SPATA22: variants seen among roughly 807,000 people sequenced by gnomAD.
SPATA22 encodes the protein spermatogenesis-associated protein 22.
A neutral mutation model predicts 47.8 loss-of-function variants in SPATA22; 29 were observed. The ratio of observed to expected loss-of-function variants is 0.61; its 90% confidence interval spans 0.45 to 0.83. SPATA22 has a LOEUF of 0.83. Among genes scored for constraint, SPATA22 ranks in the 40% least tolerant of loss-of-function variants. The probability of loss-of-function intolerance (pLI) is 0.00; values close to 1 mark genes in which losing one functional copy is unlikely to be tolerated. For synonymous variants in SPATA22, 133 were observed against 140.9 expected, an observed-to-expected ratio of 0.94 and a Z score of 0.40; for missense variants, 410 against 421.7, an observed-to-expected ratio of 0.97 and a Z score of 0.24.
At chr17:3,470,912 C>T (rs1445622247) in intron 1 of SPATA22, among the ~76,000 whole-genome samples, 6 of 151,530 alleles carry the variant, frequency 4.0e-5, no homozygotes, top group Non-Finnish European at 7.4e-5. Context: ...CCCAGCACTT[C>T]GGGAGGCCAA....
intron 5 of SPATA22, 84 bp downstream of exon 5, chr17:3,462,399 G>T: frequency 1.1e-6 from 1 of 896,658 alleles, no homozygotes; most frequent in Non-Finnish European, 1.7e-6. Context: ...GAGAAACAAC[G>T]AAGTGAAGGA....
At chr17:3,492,116 A>G (rs1197880392) in intron 1 of SPATA22, among the ~76,000 whole-genome samples, 2 of 152,054 alleles carry the variant, frequency 1.3e-5, no homozygotes, top group Admixed American at 1.3e-4. Flanking sequence ...AGCTCAAGCA[A>G]TCTGCCTGCC....
chr17:3,506,704 C>T (rs1472293068), intron 1 of SPATA22, among the ~76,000 whole-genome samples: 1 of 152,154 alleles, frequency 6.6e-6, no homozygotes, highest in African/African-American at 2.4e-5. Context: ...CGTCGGGAGG[C>T]CGAGGCAGGT....
intron 1 of SPATA22, 84 bp downstream of exon 1, chr17:3,471,598 G>C (rs892345123): frequency 3.0e-6 from 3 of 985,122 alleles, no homozygotes; most frequent in Non-Finnish European, 3.6e-6. Context: ...TGGGAGAGAA[G>C]AGGCTCCAGT....
At chr17:3,495,072 A>G (rs1307626359) in intron 1 of SPATA22, among the ~76,000 whole-genome samples, 2 of 152,160 alleles carry the variant, frequency 1.3e-5, no homozygotes, top group Admixed American at 1.3e-4. Context: ...AGTTTTATCA[A>G]TAATGACATA....
chr17:3,465,171 C>T (rs1436037373), intron 3 of SPATA22, among the ~76,000 whole-genome samples: 4 of 135,694 alleles, frequency 2.9e-5, no homozygotes, highest in African/African-American at 1.1e-4. Flanking sequence ...GTCAGCCCCC[C>T]GCCCGGCCAG....
chr17:3,486,836 C>T (rs749501813), intron 1 of SPATA22, among the ~76,000 whole-genome samples: 1 of 152,038 alleles, frequency 6.6e-6, no homozygotes, highest in African/African-American at 2.4e-5. Flanking sequence ...TTTGGTGGCC[C>T]TATTGTCCAA....
intron 1 of SPATA22, among the ~76,000 whole-genome samples, chr17:3,510,337 G>A (rs1406653116): frequency 6.6e-6 from 1 of 152,152 alleles, no homozygotes; most frequent in East Asian, 1.9e-4. Context: ...ACGTACAAAG[G>A]TGACATGCCT....
chr17:3,495,248 G>A (rs1010178213), intron 1 of SPATA22, among the ~76,000 whole-genome samples: 3 of 152,176 alleles, frequency 2.0e-5, no homozygotes, highest in African/African-American at 7.2e-5. Flanking sequence ...AGAACTGGTG[G>A]ATTATCTAGT....
At chr17:3,463,623 T>C (rs1165418752) in intron 3 of SPATA22, among the ~76,000 whole-genome samples, 4 of 152,022 alleles carry the variant, frequency 2.6e-5, no homozygotes, top group African/African-American at 9.7e-5. Context: ...TATACACTAC[T>C]GTACACTAAA....
intron 1 of SPATA22, chr17:3,511,373 G>A (rs1230951628): frequency 6.6e-6 from 1 of 152,182 alleles, no homozygotes; most frequent in African/African-American, 2.4e-5. Context: ...ATGGCTCAGG[G>A]AGACATCTGT....
At chr17:3,442,641 C>T (rs2072623370) in intron 8 of SPATA22, among the ~76,000 whole-genome samples, 1 of 151,968 alleles carries the variant, frequency 6.6e-6, no homozygotes, top group Non-Finnish European at 1.5e-5. Context: ...GTAATTATAA[C>T]TACTTTCAGT....
exon 1 of SPATA22, chr17:3,513,653 G>A (rs1597461843): frequency 2.7e-6 from 1 of 373,472 alleles, no homozygotes; most frequent in Non-Finnish European, 4.8e-6. Flanking sequence ...GACTTCAGGA[G>A]GCTCCCAGGC....
At position 3,462,763 on chromosome 17, in the gene SPATA22, C is replaced by G; in HGVS notation, c.177G>C (p.Trp59Cys). 4 of 1,610,312 alleles carry G rather than the reference C, an allele frequency of 2.5e-6. No homozygotes were observed. The highest frequency in any genetic ancestry group is 3.4e-6 in the Non-Finnish European group (4 of 1,176,642). ...NYDFPPLPTDWAWEAVNPELA... is the reference protein window; with the variant it reads ...NYDFPPLPTDCAWEAVNPELA... ...ACTCTGGATTCACAGCTTCCCAGGC[C>G]CAATCTCAAAAGATATAAGTAACAT... The change falls in exon 4 of 9, where the codon TGG becomes TGC. Residue 59 changes from tryptophan to cysteine, a missense_variant. Trp to Cys is a radical substitution (Grantham distance 215). Transcript: ENST00000572969.
At chr17:3,465,592 A>C (rs2073284869) in intron 3 of SPATA22, among the ~76,000 whole-genome samples, 1 of 151,218 alleles carries the variant, frequency 6.6e-6, no homozygotes, top group Non-Finnish European at 1.5e-5. Flanking sequence ...CATGCTCGTT[A>C]AGAGTCATCA....
chr17:3,501,764 A>C (rs2073992185), intron 1 of SPATA22: 1 of 152,620 alleles, frequency 6.6e-6, no homozygotes, highest in East Asian at 1.9e-4. Context: ...CAGCCTGGCC[A>C]ACATGGTGAA....
chr17:3,491,234 A>T (rs1047731405), intron 1 of SPATA22, among the ~76,000 whole-genome samples: 1 of 152,186 alleles, frequency 6.6e-6, no homozygotes, highest in Non-Finnish European at 1.5e-5. Flanking sequence ...GTTTAAACCA[A>T]ATGTTTAAGG....
intron 1 of SPATA22, among the ~76,000 whole-genome samples, chr17:3,491,877 CTTTTTTT>C (rs540965896): frequency 1.6e-5 from 2 of 123,062 alleles, no homozygotes; most frequent in Non-Finnish European, 1.6e-5. Context: ...CTTTTGTTTT[CTTTTTTT>C]TTTTTTTTTT....
chr17:3,440,213 GA>G lies in SPATA22; in HGVS notation c.1025del (p.Phe342SerfsTer18), dbSNP rs1174542938. ...CATCTGCAATTTTGACAAATGCCTG[GA>G]AAGTTTTTTGTTCAGAAACAGACGC... ...RPASVSEQKT[F>X]QAFVKIADVE... On this transcript the variant is annotated frameshift_variant, in exon 9 of 9. Coordinates refer to ENST00000572969, the MANE Select transcript of SPATA22 (RefSeq NM_001170698.2). LOFTEE classifies it high-confidence loss of function. 1.2e-6 allele frequency: 2 copies of G among 1,610,388 alleles called. No individual in the cohort carries two copies. The highest frequency in any genetic ancestry group is 1.7e-6 in the Non-Finnish European group (2 of 1,178,432).
Sources: gnomAD v4.1 joint callset for allele counts (sites outside exome capture counted in the v4.1 genomes callset) on GRCh38, gnomAD v4.1.1 for gene constraint, MANE v1.5 for transcripts, NCBI Gene and HGNC (gene_info 2026-07-23, HGNC 2026-07-21) for gene names.